Variants in GDPD5 observed in about 807,000 individuals in gnomAD.
The protein encoded by GDPD5 is glycerophosphodiester phosphodiesterase 2.
A neutral mutation model predicts 75.1 loss-of-function variants in GDPD5; 48 were observed. The observed-to-expected ratio is 0.64, with a 90% CI of 0.51 to 0.81. GDPD5 has a LOEUF of 0.81. Ranked by LOEUF, GDPD5 falls within the 40% of genes least tolerant of loss-of-function variation. The pLI is 0.00. For synonymous variants in GDPD5, 336 were observed against 339.0 expected (o/e 0.99, Z 0.10); for missense variants, 706 against 822.6 (o/e 0.86, Z 1.73).
chr11:75,456,500 T>C (rs1949288160), intron 6 of GDPD5: 1 of 549,718 alleles, frequency 1.8e-6, no homozygotes. Context: ...ACTTAACCTC[T>C]TTGTACTTCA....
At chr11:75,516,862 A>G (rs1485525950) in intron 1 of GDPD5, among the ~76,000 whole-genome samples, 2 of 152,230 alleles carry the variant, frequency 1.3e-5, no homozygotes, top group Non-Finnish European at 2.9e-5. Flanking sequence ...CAGGATCAAC[A>G]TAAGTTTTCT....
In GDPD5 at chr11:75,437,003, C is replaced by T; in HGVS notation, c.1602G>A (p.Met534Ile). Residue 534 changes from methionine (M) to isoleucine (I), a missense_variant, in exon 16 of 17, where the codon ATG becomes ATA. Transcript: ENST00000336898. ...TGGTCCGGCGCACCGCAGCACTCAG[C>T]ATGATCTGCTCAGGGTTGTAGCTCC... is the stretch of plus-strand genomic sequence containing the variant. The part of the protein sequence containing the change: ...GIRSYNPEQI[M>I]LSAAVRRTSR... The T allele has an allele frequency of 3.7e-6, 6 of 1,613,554 alleles. No homozygotes were observed. Among genetic ancestry groups the T allele is most frequent in the Non-Finnish European group, 5.1e-6 (6 of 1,180,010 alleles).
intron 2 of GDPD5, among the ~76,000 whole-genome samples, chr11:75,478,196 C>T (rs1949821491): frequency 6.6e-6 from 1 of 152,226 alleles, no homozygotes; most frequent in Non-Finnish European, 1.5e-5. Flanking sequence ...GTCACCCAGG[C>T]TGGAGTGCTG....
intron 3 of GDPD5, among the ~76,000 whole-genome samples, chr11:75,475,048 G>A (rs1362647295): frequency 6.6e-6 from 1 of 152,208 alleles, no homozygotes; most frequent in East Asian, 1.9e-4. Flanking sequence ...CCATGGAGAT[G>A]TTACAACAAT....
At chr11:75,439,515 T>TC (rs1948727486) in intron 15 of GDPD5, among the ~76,000 whole-genome samples, 1 of 150,812 alleles carries the variant, frequency 6.6e-6, no homozygotes, top group African/African-American at 2.4e-5. Context: ...CCCTAGACCC[T>TC]CCCTGGGACC....
At chr11:75,502,965 G>A (rs779780130) in intron 1 of GDPD5, among the ~76,000 whole-genome samples, 1 of 152,248 alleles carries the variant, frequency 6.6e-6, no homozygotes, top group African/African-American at 2.4e-5. Flanking sequence ...ACTGGGCTGA[G>A]CCCAAGGCTG....
At position 75,480,485 on chromosome 11, in the gene GDPD5, C is replaced by T. The variant is rs534851077; in HGVS notation, c.-60-2690G>A. Among the ~76,000 whole-genome samples the T allele has an allele frequency of 1.5e-4, 23 of 152,274 alleles. No homozygotes were observed. In the East Asian group the frequency reaches 2.7e-3, roughly 18 times the overall value. ...TGATCCTCCTGCGTTGCTGGGACTA[C>T]GGGTATGTGCTGCCACACCTGGATC... On this transcript the variant is annotated intron_variant, in intron 2 of 16. Coordinates refer to ENST00000336898, the MANE Select transcript of GDPD5 (RefSeq NM_030792.8).
At chr11:75,516,866 G>C (rs1264373498) in intron 1 of GDPD5, among the ~76,000 whole-genome samples, 6 of 152,228 alleles carry the variant, frequency 3.9e-5, no homozygotes. Flanking sequence ...ATCAACATAA[G>C]TTTTCTGTCT....
chr11:75,510,025 G>A (rs1950482614), intron 1 of GDPD5, among the ~76,000 whole-genome samples: 2 of 152,228 alleles, frequency 1.3e-5, no homozygotes, highest in South Asian at 4.1e-4. Context: ...CCCGTGCTAA[G>A]CTGCAGCATG....
Position 75,443,135 on chromosome 11 carries a change from C to A in GDPD5, c.948+1G>T. On this transcript the variant is annotated splice_donor_variant, in intron 11 of 16. Coordinates refer to ENST00000336898, the MANE Select transcript of GDPD5 (RefSeq NM_030792.8). LOFTEE classifies it high-confidence loss of function. ...AAGATTGGGATCAGGTGCAGCCAGA[C>A]CTTCAGGAACCACTGGCCAGCGTTG... The A allele has an allele frequency of 6.3e-7, 1 of 1,599,482 alleles. No individual in the cohort carries two copies. Among genetic ancestry groups the A allele is most frequent in the Non-Finnish European group, 8.5e-7 (1 of 1,172,810 alleles).
At position 75,435,213 on chromosome 11, in the gene GDPD5, G is replaced by A. The variant is rs1261723193; in HGVS notation, c.*294C>T. On this transcript the variant is annotated 3_prime_UTR_variant, in exon 17 of 17. Transcript: ENST00000336898. ...GGCCCATGACCCATCAAAGCTTCCA[G>A]GTCGGGATACAGGAGAGGGCCTCAG... is the stretch of plus-strand genomic sequence containing the variant. 1 of 311,394 alleles carries A rather than the reference G, an allele frequency of 3.2e-6. No homozygotes were observed. The highest frequency in any genetic ancestry group is 6.0e-6 in the Non-Finnish European group (1 of 167,952). 19.3% of individuals were successfully genotyped at this position (311,394 alleles called of 1,614,324 possible). A position where few individuals can be genotyped will look rare whatever the true frequency, so the allele number is the denominator to read the frequency against.
intron 1 of GDPD5, among the ~76,000 whole-genome samples, chr11:75,495,467 A>G (rs1447214822): frequency 6.6e-6 from 1 of 151,958 alleles, no homozygotes; most frequent in East Asian, 1.9e-4. Context: ...ACTCTGTCTC[A>G]AAAAAAGAAA....
chr11:75,525,152 CCCCG>C (rs753078670), intron 1 of GDPD5, 54 bp downstream of exon 1: 3 of 152,408 alleles, frequency 2.0e-5, no homozygotes, highest in Non-Finnish European at 4.4e-5. Flanking sequence ...CTCCGCTGGC[CCCCG>C]CGCTGCCGCG....
At chr11:75,498,216 T>A (rs1950246386) in intron 1 of GDPD5, among the ~76,000 whole-genome samples, 1 of 152,198 alleles carries the variant, frequency 6.6e-6, no homozygotes, top group South Asian at 2.1e-4. Context: ...TAACCCAGGC[T>A]GACATCACCA....
chr11:75,456,871 C>T, intron 5 of GDPD5, 55 bp from the exon 6 acceptor site: 2 of 1,568,136 alleles, frequency 1.3e-6, no homozygotes, highest in African/African-American at 1.4e-5. Flanking sequence ...GAAGGCTTTG[C>T]CAGTTTCTCA....
chr11:75,500,488 C>T (rs1010082799), intron 1 of GDPD5, among the ~76,000 whole-genome samples: 8 of 152,172 alleles, frequency 5.3e-5, no homozygotes, highest in Admixed American at 1.3e-4. Context: ...ACCTCACCAG[C>T]CCCTTCGCTG....
intron 1 of GDPD5, among the ~76,000 whole-genome samples, chr11:75,497,061 G>A (rs919421030): frequency 3.3e-5 from 5 of 152,044 alleles, no homozygotes; most frequent in South Asian, 4.2e-4. Context: ...AGGATTACAG[G>A]CATGAGCCAC....
At chr11:75,445,783 T>TA (rs1430953396) in intron 9 of GDPD5, among the ~76,000 whole-genome samples, 1 of 152,224 alleles carries the variant, frequency 6.6e-6, no homozygotes, top group Non-Finnish European at 1.5e-5. Context: ...TGGAACGGAC[T>TA]AAAAAGGTGC....
chr11:75,456,322 A>G (rs1949285103), intron 6 of GDPD5, among the ~76,000 whole-genome samples: 1 of 152,098 alleles, frequency 6.6e-6, no homozygotes, highest in Non-Finnish European at 1.5e-5. Flanking sequence ...CCATCGCCAG[A>G]TCAGGGTTTT....
Sources: allele counts gnomAD v4.1 joint callset (sites outside exome capture counted in the v4.1 genomes callset), GRCh38; gene constraint gnomAD v4.1.1; transcripts MANE v1.5; gene names NCBI Gene and HGNC (gene_info 2026-07-23, HGNC 2026-07-21).